The following PCDH15 variants were observed in gnomAD, a reference collection of about 807,000 sequenced individuals.
The protein encoded by PCDH15 is protocadherin-15.
Under a neutral mutation model 178.5 loss-of-function variants are expected in PCDH15, and 129 were observed. That is an observed-to-expected ratio of 0.72 (90% CI 0.63 to 0.84). The LOEUF is 0.84. Among genes scored for constraint, PCDH15 ranks in the 40% least tolerant of loss-of-function variants. PCDH15 has a pLI of 0.00. For missense variants in PCDH15, 2,230 were observed against 2,099.9 expected, an observed-to-expected ratio of 1.06 and a Z score of -1.21; for synonymous variants, 800 against 732.0, an observed-to-expected ratio of 1.09 and a Z score of -1.50.
chr10:55,092,919 A>C (rs973568033), intron 2 of PCDH15, among the ~76,000 whole-genome samples: 1 of 152,018 alleles, frequency 6.6e-6, no homozygotes, highest in Non-Finnish European at 1.5e-5. Flanking sequence ...ACTCATTTTT[A>C]ATACATATAT....
chr10:55,107,484 CTTTTTTTT>C (rs11290952), intron 2 of PCDH15, among the ~76,000 whole-genome samples: 18 of 86,250 alleles, frequency 2.1e-4, no homozygotes, highest in African/African-American at 3.9e-4. Flanking sequence ...ATTCTCTTTC[CTTTTTTTT>C]TTTTTTTTTT....
chr10:55,550,302 G>C (rs1841978614), intron 2 of PCDH15, among the ~76,000 whole-genome samples: 1 of 152,130 alleles, frequency 6.6e-6, no homozygotes, highest in Admixed American at 6.6e-5. Context: ...TCTCATTTAA[G>C]GAGATGTTAC....
intron 3 of PCDH15, among the ~76,000 whole-genome samples, chr10:54,495,191 T>G (rs1418979052): frequency 2.0e-5 from 3 of 152,126 alleles, no homozygotes; most frequent in Non-Finnish European, 4.4e-5. Flanking sequence ...CTAATGTAAT[T>G]TCTACATTCA....
intron 2 of PCDH15, among the ~76,000 whole-genome samples, chr10:54,946,574 C>T (rs1340182142): frequency 3.3e-5 from 5 of 151,828 alleles, no homozygotes; most frequent in African/African-American, 2.4e-5. Flanking sequence ...TGTGACCATA[C>T]ATTAGGAAAC....
At chr10:55,151,892 A>G (rs1202748094) in intron 2 of PCDH15, among the ~76,000 whole-genome samples, 1 of 151,588 alleles carries the variant, frequency 6.6e-6, no homozygotes, top group Non-Finnish European at 1.5e-5. Flanking sequence ...GATAAGGATA[A>G]AGACAGGATA....
At chr10:54,467,749 G>C (rs2077628526) in intron 3 of PCDH15, among the ~76,000 whole-genome samples, 1 of 151,500 alleles carries the variant, frequency 6.6e-6, no homozygotes, top group South Asian at 2.1e-4. Flanking sequence ...AATGGTGTTA[G>C]ATCTTCTTCG....
At chr10:54,500,138 C>A (rs2080523015) in intron 3 of PCDH15, among the ~76,000 whole-genome samples, 1 of 146,702 alleles carries the variant, frequency 6.8e-6, no homozygotes. Context: ...AAACAACATT[C>A]TTTGCAACAA....
intron 6 of PCDH15, among the ~76,000 whole-genome samples, chr10:54,342,690 A>G (rs1027801625): frequency 2.0e-5 from 3 of 152,174 alleles, no homozygotes; most frequent in African/African-American, 7.2e-5. Context: ...AAAAACCACA[A>G]GCACTCAATG....
intron 9 of PCDH15, among the ~76,000 whole-genome samples, chr10:54,214,666 A>C (rs915808595): frequency 6.6e-6 from 1 of 152,142 alleles, no homozygotes; most frequent in Non-Finnish European, 1.5e-5. Context: ...ATCTCTGCTG[A>C]CTGAATCCTC....
intron 2 of PCDH15, among the ~76,000 whole-genome samples, chr10:55,026,905 G>A (rs890107327): frequency 3.3e-5 from 5 of 151,928 alleles, no homozygotes; most frequent in Non-Finnish European, 5.9e-5. Context: ...TGCACATTTT[G>A]TTTTGGAAAG....
chr10:55,432,936 A>G (rs1255217235), intron 2 of PCDH15, among the ~76,000 whole-genome samples: 1 of 151,968 alleles, frequency 6.6e-6, no homozygotes, highest in Non-Finnish European at 1.5e-5. Context: ...AGGCGGGAGA[A>G]TGGCCTGAAC....
chr10:54,218,423 G>A (rs186122898), intron 9 of PCDH15, among the ~76,000 whole-genome samples: 50 of 152,250 alleles, frequency 3.3e-4, no homozygotes, highest in African/African-American at 1.1e-3. Context: ...CCATTATAGA[G>A]AGATAGACCC....
chr10:54,096,175 C>G (rs1053673569), intron 15 of PCDH15, among the ~76,000 whole-genome samples: 6 of 151,838 alleles, frequency 4.0e-5, no homozygotes, highest in Non-Finnish European at 2.9e-5. Flanking sequence ...CTAGCAAAGT[C>G]CCCTATGTCC....
chr10:54,630,803 CA>C (rs747728401), intron 2 of PCDH15, among the ~76,000 whole-genome samples: 6 of 151,870 alleles, frequency 4.0e-5, no homozygotes, highest in Non-Finnish European at 8.8e-5. Context: ...TTAAACAATT[CA>C]AAAGTGAAAA....
At chr10:55,336,571 C>A (rs536675664) in intron 2 of PCDH15, among the ~76,000 whole-genome samples, 1 of 152,192 alleles carries the variant, frequency 6.6e-6, no homozygotes, top group African/African-American at 2.4e-5. Flanking sequence ...AACCTTTATT[C>A]CAGAGGGTCT....
chr10:53,895,312 T>A, intron 26 of PCDH15, among the ~76,000 whole-genome samples: 1 of 152,162 alleles, frequency 6.6e-6, no homozygotes, highest in East Asian at 1.9e-4. Context: ...TGCTGAAACC[T>A]CTCATCACCA....
chr10:53,831,611 A>C (rs1450576820), intron 29 of PCDH15, 78 bp from the exon 30 acceptor site: 19 of 1,041,148 alleles, frequency 1.8e-5, no homozygotes. Flanking sequence ...TTTTTGTAAG[A>C]TCTTTCAATA....
At chr10:55,622,073 A>G (rs1347434011) in intron 2 of PCDH15, among the ~76,000 whole-genome samples, 1 of 139,756 alleles carries the variant, frequency 7.2e-6, no homozygotes, top group Non-Finnish European at 1.5e-5. Context: ...ATGTATATAT[A>G]ATATATATAA....
intron 2 of PCDH15, among the ~76,000 whole-genome samples, chr10:55,528,727 C>T (rs112339020): frequency 0.092 from 14,061 of 152,060 alleles, 791 homozygotes; most frequent in African/African-American, 0.16. Context: ...TTTATAATCC[C>T]TTGGGTATAT....
Sources: allele counts gnomAD v4.1 joint callset (sites outside exome capture counted in the v4.1 genomes callset), GRCh38; gene constraint gnomAD v4.1.1; transcripts MANE v1.5; gene names NCBI Gene and HGNC (gene_info 2026-07-23, HGNC 2026-07-21).